TAF4B: variants seen among roughly 807,000 people sequenced by gnomAD.
The protein encoded by TAF4B is TATA-box binding protein associated factor 4b.
TAF4B carries 38 observed loss-of-function variants against 86.4 expected under a neutral mutation model. That is an observed-to-expected ratio of 0.44 (90% CI 0.34 to 0.58). The LOEUF is 0.58. TAF4B is among the 20% of genes least tolerant of loss of function. The pLI, the probability that TAF4B is intolerant of heterozygous loss-of-function variation, is 0.02. For synonymous variants in TAF4B, 388 were observed against 391.2 expected (o/e 0.99, Z 0.10); for missense variants, 988 against 1,027.6 (o/e 0.96, Z 0.53).
chr18:26,335,083 C>G, intron 12 of TAF4B, 92 bp from the exon 13 acceptor site: 1 of 925,978 alleles, frequency 1.1e-6, no homozygotes, highest in Non-Finnish European at 1.7e-6. Context: ...TATTCAATCA[C>G]AAGAGAAAAT....
intron 6 of TAF4B, among the ~76,000 whole-genome samples, chr18:26,284,991 G>A (rs1295486945): frequency 6.6e-6 from 1 of 151,710 alleles, no homozygotes; most frequent in East Asian, 1.9e-4. Flanking sequence ...TTTTTGAGAT[G>A]AGGTTTTGCT....
At chr18:26,330,534 G>A (rs1419117719) in intron 12 of TAF4B, among the ~76,000 whole-genome samples, 1 of 152,140 alleles carries the variant, frequency 6.6e-6, no homozygotes, top group Non-Finnish European at 1.5e-5. Flanking sequence ...AGGTCATACG[G>A]TATACTCATT....
intron 9 of TAF4B, among the ~76,000 whole-genome samples, chr18:26,309,841 AT>A (rs2056836009): frequency 6.6e-6 from 1 of 151,904 alleles, no homozygotes; most frequent in African/African-American, 2.4e-5. Flanking sequence ...TTTATTTTTT[AT>A]TTTTGAGATG....
At chr18:26,366,552 G>A (rs1464063036) in intron 14 of TAF4B, 2 of 152,228 alleles carry the variant, frequency 1.3e-5, no homozygotes, top group African/African-American at 2.4e-5. Flanking sequence ...TTATAAGATA[G>A]TACTGCTTAA....
At chr18:26,288,042 A>G (rs1255194429) in intron 7 of TAF4B, among the ~76,000 whole-genome samples, 1 of 152,204 alleles carries the variant, frequency 6.6e-6, no homozygotes, top group African/African-American at 2.4e-5. Context: ...ATTCTTAAAC[A>G]TTGTTCTGGG....
chr18:26,304,538 G>T (rs1369339398), intron 9 of TAF4B, among the ~76,000 whole-genome samples: 1 of 152,142 alleles, frequency 6.6e-6, no homozygotes, highest in Non-Finnish European at 1.5e-5. Flanking sequence ...TCTAAACTGA[G>T]TTTGCTTTCT....
intron 9 of TAF4B, among the ~76,000 whole-genome samples, chr18:26,299,616 G>A (rs984706423): frequency 4.6e-5 from 7 of 151,986 alleles, no homozygotes; most frequent in African/African-American, 1.7e-4. Flanking sequence ...TTCCTTAAAT[G>A]TATGAATGAA....
At chr18:26,230,559 C>T (rs1176070552) in intron 1 of TAF4B, among the ~76,000 whole-genome samples, 1 of 152,168 alleles carries the variant, frequency 6.6e-6, no homozygotes, top group African/African-American at 2.4e-5. Context: ...GTGATAGTGG[C>T]CATGGCATTA....
chr18:26,295,075 A>AAT (rs919915935), intron 9 of TAF4B: 21 of 163,850 alleles, frequency 1.3e-4, no homozygotes, highest in Non-Finnish European at 2.3e-4. Context: ...AAATATATAT[A>AAT]ATATATATAT....
At chr18:26,271,406 C>A (rs139875427) in intron 3 of TAF4B, among the ~76,000 whole-genome samples, 9 of 152,296 alleles carry the variant, frequency 5.9e-5, no homozygotes, top group African/African-American at 2.2e-4. Flanking sequence ...CAGACAGGTA[C>A]AGAAAATGAC....
At chr18:26,241,348 C>T (rs1471106999) in intron 1 of TAF4B, among the ~76,000 whole-genome samples, 1 of 152,122 alleles carries the variant, frequency 6.6e-6, no homozygotes, top group Non-Finnish European at 1.5e-5. Flanking sequence ...TGCATTTCTT[C>T]TAGATTTTTT....
chr18:26,375,109 C>G (rs2057433912), intron 14 of TAF4B, among the ~76,000 whole-genome samples: 1 of 152,154 alleles, frequency 6.6e-6, no homozygotes, highest in African/African-American at 2.4e-5. Flanking sequence ...AACCGGTAAT[C>G]TATTTTTCAG....
chr18:26,263,140 G>A (rs928868245), intron 1 of TAF4B, among the ~76,000 whole-genome samples: 1 of 152,068 alleles, frequency 6.6e-6, no homozygotes, highest in East Asian at 1.9e-4. Context: ...TTTTTGTAGA[G>A]ACAGGGTCTC....
intron 10 of TAF4B, among the ~76,000 whole-genome samples, chr18:26,320,014 G>A (rs997065764): frequency 1.4e-4 from 21 of 152,254 alleles, no homozygotes; most frequent in African/African-American, 4.8e-4. Context: ...GGTTGGTTTA[G>A]GAGAAGTTGA....
chr18:26,350,563 C>T (rs1411278855), intron 13 of TAF4B, among the ~76,000 whole-genome samples: 1 of 152,138 alleles, frequency 6.6e-6, no homozygotes, highest in Non-Finnish European at 1.5e-5. Flanking sequence ...GTAGTCCTAG[C>T]TGCTTGGGAG....
chr18:26,263,838 G>T (rs1438400436), intron 1 of TAF4B, among the ~76,000 whole-genome samples: 3 of 152,108 alleles, frequency 2.0e-5, no homozygotes, highest in Non-Finnish European at 4.4e-5. Flanking sequence ...CTCAGCAGTT[G>T]TCCCAAGTAG....
chr18:26,352,105 G>C (rs1005715546), intron 13 of TAF4B, among the ~76,000 whole-genome samples: 1 of 151,734 alleles, frequency 6.6e-6, no homozygotes, highest in African/African-American at 2.4e-5. Context: ...GTAGAAAAAG[G>C]GAAACAGAGA....
chr18:26,285,210 C>CTTTCCTTT (rs2056496143), intron 6 of TAF4B, among the ~76,000 whole-genome samples: 1 of 42,514 alleles, frequency 2.4e-5, no homozygotes, highest in African/African-American at 8.0e-5. Context: ...TCTTCCTTTC[C>CTTTCCTTT]TTTTTTTTTT....
At chr18:26,313,912 C>T (rs1208313541) in intron 9 of TAF4B, among the ~76,000 whole-genome samples, 2 of 152,130 alleles carry the variant, frequency 1.3e-5, no homozygotes, top group Admixed American at 6.5e-5. Context: ...AAGCAATCCT[C>T]CCACCTTGGC....
Sources: allele counts gnomAD v4.1 joint callset (sites outside exome capture counted in the v4.1 genomes callset), GRCh38; gene constraint gnomAD v4.1.1; transcripts MANE v1.5; gene names NCBI Gene and HGNC (gene_info 2026-07-23, HGNC 2026-07-21).